The following NXF1 variants were observed in gnomAD, a reference collection of about 807,000 sequenced individuals.
NXF1 encodes nuclear RNA export factor 1, also known as mRNA export factor TAP.
NXF1 carries 43 observed loss-of-function variants against 92.4 expected under a neutral mutation model. The observed-to-expected ratio is 0.47, with a 90% CI of 0.36 to 0.60. The LOEUF is 0.60. Ranked by LOEUF, NXF1 falls within the 20% of genes least tolerant of loss-of-function variation. The pLI is 0.00. For missense variants in NXF1, 576 were observed against 793.0 expected (o/e 0.73, Z 3.29); for synonymous variants, 288 against 292.2 (o/e 0.99, Z 0.15).
intron 10 of NXF1, 142 bp from the exon 11 acceptor site, chr11:62,798,717 G>T: frequency 1.4e-6 from 2 of 1,464,020 alleles, no homozygotes; most frequent in Admixed American, 2.8e-5. Flanking sequence ...TGTGCTCAGG[G>T]AAAAATGGCC....
intron 10 of NXF1, 104 bp downstream of exon 10, chr11:62,800,273 C>T (rs781077548): frequency 3.2e-6 from 5 of 1,562,820 alleles, no homozygotes; most frequent in East Asian, 4.7e-5. Flanking sequence ...GTGGTTCCAG[C>T]TCAGGGCTGC....
At chr11:62,804,031 G>A in intron 1 of NXF1, 53 bp from the exon 2 acceptor site, 12 of 1,601,884 alleles carry the variant, frequency 7.5e-6, no homozygotes, top group Non-Finnish European at 1.0e-5. Flanking sequence ...GTCCGGTTTG[G>A]TGTGGCAATC....
chr11:62,794,237 C>T (rs772929830), intron 19 of NXF1, 21 bp downstream of exon 19: 1 of 1,602,608 alleles, frequency 6.2e-7, no homozygotes, highest in African/African-American at 1.3e-5. Context: ...CATCCCCATC[C>T]TACACATGCC....
rs34495263 is a variant in NXF1 at position 62,798,126 on chromosome 11, C to CA, written c.1053+412dup. The stretch of plus-strand genomic sequence containing the variant: ...CTGGGTAACAGAGCAAGACTCCATC[C>CA]AAAAAAAAAAAAAAAAAGGGCCTGG... On this transcript the variant is annotated intron_variant, in intron 11 of 20. Coordinates refer to ENST00000294172, the MANE Select transcript of NXF1 (RefSeq NM_006362.5). Among the ~76,000 whole-genome samples the CA allele has an allele frequency of 7.1e-3, 696 of 98,550 alleles. 1 individual carries two copies. Among genetic ancestry groups the CA allele is most frequent in the Non-Finnish European group, 7.4e-3 (333 of 44,738 alleles). 64.7% of individuals were successfully genotyped at this position (98,550 alleles called of 152,430 possible). A position where few individuals can be genotyped will look rare whatever the true frequency, so the allele number is the denominator to read the frequency against.
chr11:62,798,544 G>A lies in NXF1; in HGVS notation c.1048C>T (p.Arg350Cys), dbSNP rs1239263269. The A allele has an allele frequency of 9.9e-6, 16 of 1,613,934 alleles. No individual in the cohort carries two copies. The highest frequency in any genetic ancestry group is 1.6e-4 in the Middle Eastern group (1 of 6,080). ...TGAAAAAATTATGGACTTACCAGGC[G>A]TAGTAACTTGGGAAATCGTTCGCGA... ...AIRERFPKLL[R>C]LDGHELPPPI... The change falls in exon 11 of 21, where the codon CGC (arginine) becomes TGC (cysteine). Residue 350 changes from arginine to cysteine, a missense_variant. This residue lies in a region of NXF1 where 425 missense variants were observed against 635.2 expected (regional missense o/e 0.67). Transcript: ENST00000294172.
chr11:62,792,205 G>A lies in NXF1; in HGVS notation c.*271C>T, dbSNP rs2084371438. 1 of 645,474 alleles carries A rather than the reference G, an allele frequency of 1.5e-6. No homozygotes were observed. Among genetic ancestry groups the A allele is most frequent in the African/African-American group, 1.8e-5 (1 of 54,898 alleles). 40.0% of individuals were successfully genotyped at this position (645,474 alleles called of 1,614,324 possible). A position where few individuals can be genotyped will look rare whatever the true frequency, so the allele number is the denominator to read the frequency against. On this transcript the variant is annotated 3_prime_UTR_variant, in exon 21 of 21. Coordinates refer to ENST00000294172, the MANE Select transcript of NXF1 (RefSeq NM_006362.5). The stretch of plus-strand genomic sequence containing the variant: ...ACTCTTTATATTAAAAAGTAAGGAG[G>A]TCCTGGGGTTAAGTACACAAAGCAC...
At chr11:62,801,473 C>G (rs1324789338) in intron 7 of NXF1, 56 bp from the exon 8 acceptor site, 1 of 1,608,150 alleles carries the variant, frequency 6.2e-7, no homozygotes, top group Non-Finnish European at 8.5e-7. Flanking sequence ...CCCATGCCAG[C>G]ATTAGCAGTA....
intron 1 of NXF1, chr11:62,804,961 C>A (rs3763851): frequency 0.44 from 94,231 of 213,422 alleles, 24,260 homozygotes; most frequent in Non-Finnish European, 0.57. Flanking sequence ...GAGTTCAAGA[C>A]CGACTGGACG....
chr11:62,795,032 C>A, intron 17 of NXF1, 25 bp from the exon 18 acceptor site: 33 of 1,605,226 alleles, frequency 2.1e-5, no homozygotes, highest in Non-Finnish European at 2.8e-5. Flanking sequence ...GCAACAACAC[C>A]TTAGGGTCAC....
In NXF1 at chr11:62,803,390, T is replaced by C. The variant is rs200532224; in HGVS notation, c.369+29A>G. 3.7e-6 allele frequency: 6 copies of C among 1,605,124 alleles called. No individual in the cohort carries two copies. The African/African-American group carries it at 8.0e-5, about 21-fold the overall frequency. On this transcript the variant is annotated intron_variant, in intron 3 of 20. Transcript: ENST00000294172. ...TCTCAGCGTGGCCTCCTATCTCTACTGTACCATCTACTTTCTCAAAGTACT... is the reference window on the plus strand; with the variant it reads ...TCTCAGCGTGGCCTCCTATCTCTACCGTACCATCTACTTTCTCAAAGTACT...
intron 17 of NXF1, chr11:62,795,398 C>T: frequency 4.9e-6 from 1 of 202,730 alleles, no homozygotes; most frequent in South Asian, 8.8e-5. Flanking sequence ...ACCACTTGAA[C>T]CCAGGAGACG....
In NXF1 at chr11:62,802,055, G is replaced by A. The variant is rs1376483405; in HGVS notation, c.454-9C>T. ...GTATTCTCATAGTGAAACTACAAGA[G>A]GAAACAGGAGCATTACACTGGGAGT... On this transcript the variant is annotated splice_polypyrimidine_tract_variant and intron_variant, in intron 4 of 20. Transcript: ENST00000294172. The A allele has an allele frequency of 1.2e-6, 2 of 1,613,390 alleles. No homozygotes were observed. The highest frequency in any genetic ancestry group is 1.7e-6 in the Non-Finnish European group (2 of 1,179,404).
intron 9 of NXF1, 116 bp from the exon 10 acceptor site, chr11:62,800,602 T>G: frequency 1.5e-6 from 1 of 669,044 alleles, no homozygotes; most frequent in Non-Finnish European, 2.5e-6. Context: ...TTTAAAATTT[T>G]TTCTTTTTTT....
chr11:62,796,969 A>C (rs1460470016), intron 13 of NXF1: 2 of 578,120 alleles, frequency 3.5e-6, no homozygotes, highest in Non-Finnish European at 6.1e-6. Flanking sequence ...GGGGAGGCTG[A>C]GGCAGGAGAA....
intron 1 of NXF1, 190 bp from the exon 2 acceptor site, chr11:62,804,168 T>C (rs1382197473): frequency 1.3e-6 from 2 of 1,533,066 alleles, no homozygotes; most frequent in East Asian, 2.5e-5. Context: ...CAGGGAAAAG[T>C]TACTGGAAAA....
chr11:62,804,249 C>T, intron 1 of NXF1: 1 of 1,426,614 alleles, frequency 7.0e-7, no homozygotes, highest in South Asian at 1.2e-5. Flanking sequence ...AATGTGAGAC[C>T]CAAAAGTGTA....
intron 10 of NXF1, chr11:62,799,841 G>A: frequency 5.1e-6 from 5 of 986,486 alleles, no homozygotes; most frequent in Non-Finnish European, 4.8e-6. Flanking sequence ...CAGCCCCTAG[G>A]AGGCCTCAAC....
chr11:62,794,155 A>T (rs2084396877), intron 19 of NXF1, 103 bp downstream of exon 19: 1 of 1,049,188 alleles, frequency 9.5e-7, no homozygotes, highest in Non-Finnish European at 1.4e-6. Flanking sequence ...ACAGCGCAAG[A>T]ACTTGTCTCC....
At chr11:62,797,130 C>T (rs952576548) in intron 13 of NXF1, 53 bp downstream of exon 13, 97 of 1,507,818 alleles carry the variant, frequency 6.4e-5, no homozygotes, top group Non-Finnish European at 7.8e-5. Flanking sequence ...CTGGGTCTGC[C>T]CACCATTCCC....
Sources: allele counts gnomAD v4.1 joint callset (sites outside exome capture counted in the v4.1 genomes callset), GRCh38; gene constraint gnomAD v4.1.1; regional missense constraint gnomAD v4.1.1; transcripts MANE v1.5; gene names NCBI Gene and HGNC (gene_info 2026-07-23, HGNC 2026-07-21).